The following FSTL5 variants were observed in gnomAD, a reference collection of about 807,000 sequenced individuals.
FSTL5 encodes the protein follistatin like 5.
A neutral mutation model predicts 89.1 loss-of-function variants in FSTL5; 62 were observed. The observed-to-expected ratio is 0.70, with a 90% confidence interval of 0.57 to 0.86. The LOEUF (loss-of-function observed/expected upper bound fraction) is 0.86. Among genes scored for constraint, FSTL5 ranks in the 40% least tolerant of loss-of-function variants. FSTL5 has a pLI of 0.00. For synonymous variants in FSTL5, 383 were observed against 346.2 expected (o/e 1.11, Z -1.18); for missense variants, 1,057 against 1,001.6 (o/e 1.06, Z -0.75).
At chr4:161,656,617 T>A (rs911561818) in intron 6 of FSTL5, 123 bp from the exon 7 acceptor site, 2 of 528,122 alleles carry the variant, frequency 3.8e-6, no homozygotes, top group East Asian at 6.9e-5. Context: ...AAGCTTGTGA[T>A]GAAATGAAAA....
chr4:161,485,599 T>C (rs9685785), intron 12 of FSTL5, among the ~76,000 whole-genome samples: 85,657 of 151,964 alleles, frequency 0.56, 24,300 homozygotes, highest in East Asian at 0.78. Flanking sequence ...GAATGAAATA[T>C]TTGCATACGT....
intron 1 of FSTL5, among the ~76,000 whole-genome samples, chr4:162,153,668 G>A (rs558267109): frequency 0.15 from 18,469 of 126,604 alleles, 1,956 homozygotes; most frequent in Non-Finnish European, 0.21. Flanking sequence ...TATAATATAT[G>A]TATATTATAT....
chr4:161,664,195 C>T (rs928029714), intron 6 of FSTL5, among the ~76,000 whole-genome samples: 67 of 152,322 alleles, frequency 4.4e-4, no homozygotes, highest in African/African-American at 1.5e-3. Flanking sequence ...CATTATGCTC[C>T]CTGCTACTTA....
chr4:161,709,481 T>C (rs1331201571), intron 6 of FSTL5, among the ~76,000 whole-genome samples: 2 of 152,150 alleles, frequency 1.3e-5, no homozygotes, highest in African/African-American at 4.8e-5. Context: ...ATAGATATGA[T>C]TGAAATGATG....
At chr4:161,759,956 C>T (rs112059679) in intron 5 of FSTL5, among the ~76,000 whole-genome samples, 8 of 152,002 alleles carry the variant, frequency 5.3e-5, no homozygotes, top group African/African-American at 1.9e-4. Context: ...GACAGTTTGT[C>T]CCAACTTTCT....
intron 6 of FSTL5, among the ~76,000 whole-genome samples, chr4:161,692,209 T>A (rs2164127): frequency 0.18 from 27,214 of 151,932 alleles, 3,001 homozygotes; most frequent in Non-Finnish European, 0.26. Flanking sequence ...ATGTTAACTG[T>A]GGGATTTTCA....
intron 15 of FSTL5, among the ~76,000 whole-genome samples, chr4:161,433,078 G>C (rs1289747580): frequency 6.7e-6 from 1 of 149,750 alleles, no homozygotes; most frequent in Admixed American, 6.7e-5. Context: ...ATTCTATAAG[G>C]CCAGCATCAT....
At chr4:161,800,630 G>T (rs981688260) in intron 4 of FSTL5, among the ~76,000 whole-genome samples, 1 of 151,490 alleles carries the variant, frequency 6.6e-6, no homozygotes, top group Non-Finnish European at 1.5e-5. Flanking sequence ...TTGTTAGGTT[G>T]CAGTTTTCAT....
chr4:161,992,857 AAAAAATATATAT>A (rs1560957234), intron 3 of FSTL5, among the ~76,000 whole-genome samples: 43 of 12,794 alleles, frequency 3.4e-3, no homozygotes, highest in Admixed American at 0.018. Flanking sequence ...CAAAAAAAAA[AAAAAATATATAT>A]ATATATATAT....
intron 4 of FSTL5, among the ~76,000 whole-genome samples, chr4:161,902,614 G>A (rs891199842): frequency 2.6e-5 from 4 of 152,084 alleles, no homozygotes; most frequent in Admixed American, 1.3e-4. Context: ...TTGGGAGGCC[G>A]AGGCGGGAGG....
intron 8 of FSTL5, among the ~76,000 whole-genome samples, chr4:161,565,375 A>G (rs1732760438): frequency 6.6e-6 from 1 of 151,962 alleles, no homozygotes; most frequent in South Asian, 2.1e-4. Flanking sequence ...ACATAAACTT[A>G]ATGTAATCTC....
chr4:162,141,614 G>A (rs921017241), intron 1 of FSTL5, among the ~76,000 whole-genome samples: 1 of 152,114 alleles, frequency 6.6e-6, no homozygotes, highest in African/African-American at 2.4e-5. Flanking sequence ...GAAGAGCAAT[G>A]CAAATGAACT....
At chr4:162,027,962 G>T (rs1033376291) in intron 3 of FSTL5, among the ~76,000 whole-genome samples, 2 of 152,006 alleles carry the variant, frequency 1.3e-5, no homozygotes, top group African/African-American at 2.4e-5. Flanking sequence ...AAAAATTATA[G>T]TATAAACCAT....
intron 6 of FSTL5, among the ~76,000 whole-genome samples, chr4:161,753,688 C>T (rs922191113): frequency 2.0e-5 from 3 of 152,092 alleles, no homozygotes; most frequent in Admixed American, 2.0e-4. Flanking sequence ...AGCAGTTCTG[C>T]TTTCCCTGGA....
At chr4:162,145,608 G>A (rs1732943224) in intron 1 of FSTL5, among the ~76,000 whole-genome samples, 1 of 151,980 alleles carries the variant, frequency 6.6e-6, no homozygotes, top group South Asian at 2.1e-4. Flanking sequence ...CCATAATAAG[G>A]GAAAAAAACG....
intron 3 of FSTL5, among the ~76,000 whole-genome samples, chr4:161,983,150 A>G (rs755086842): frequency 6.6e-6 from 1 of 152,208 alleles, no homozygotes; most frequent in Non-Finnish European, 1.5e-5. Context: ...AAGAAATAGG[A>G]ACTCCTAAGG....
intron 8 of FSTL5, among the ~76,000 whole-genome samples, chr4:161,551,959 T>C (rs983606954): frequency 1.3e-5 from 2 of 151,900 alleles, no homozygotes; most frequent in Non-Finnish European, 2.9e-5. Context: ...CCAAAAGCAA[T>C]GGCAACAAAA....
At chr4:161,852,737 T>C (rs760332946) in intron 4 of FSTL5, among the ~76,000 whole-genome samples, 1 of 152,102 alleles carries the variant, frequency 6.6e-6, no homozygotes, top group South Asian at 2.1e-4. Flanking sequence ...ATAGACTAGA[T>C]AAAGAAAATG....
chr4:161,602,890 T>C (rs1246809897), intron 7 of FSTL5, among the ~76,000 whole-genome samples: 2 of 152,138 alleles, frequency 1.3e-5, no homozygotes, highest in African/African-American at 4.8e-5. Flanking sequence ...CAAATCTGCA[T>C]TGTAAGAAAT....
Sources: allele counts gnomAD v4.1 joint callset (sites outside exome capture counted in the v4.1 genomes callset), GRCh38; gene constraint gnomAD v4.1.1; transcripts MANE v1.5; gene names NCBI Gene and HGNC (gene_info 2026-07-23, HGNC 2026-07-21).